CCDC186: variants seen among roughly 807,000 people sequenced by gnomAD.
The protein encoded by CCDC186 is coiled-coil domain containing 186.
CCDC186 carries 49 observed loss-of-function variants against 113.7 expected under a neutral mutation model. The ratio of observed to expected loss-of-function variants is 0.43; its 90% CI spans 0.34 to 0.55. The LOEUF (loss-of-function observed/expected upper bound fraction) is 0.55, where lower values mean the gene tolerates loss of function less well. Ranked by LOEUF, CCDC186 falls within the 20% of genes least tolerant of loss-of-function variation. The probability of loss-of-function intolerance (pLI) is 0.02; values close to 1 mark genes in which losing one functional copy is unlikely to be tolerated. For missense variants in CCDC186, 890 were observed against 1,011.1 expected (o/e 0.88, Z 1.62); for synonymous variants, 355 against 345.8 (o/e 1.03, Z -0.30).
At position 114,162,988 on chromosome 10, in the gene CCDC186, G is replaced by A; in HGVS notation, c.281C>T (p.Ala94Val). ...DTGSENSEQI[A>V]NFPSGNFAKH... ...AGCAAAATTTCCACTAGGAAAATTA[G>A]CTATTTGTTCAGAATTTTCTGAGCC... The change falls in exon 2 of 16, where the codon GCT (alanine) becomes GTT (valine). Residue 94 changes from alanine (A) to valine (V), a missense_variant. By Grantham distance (64) the Ala-to-Val change is moderately conservative. Coordinates refer to ENST00000369287, the MANE Select transcript of CCDC186 (RefSeq NM_018017.4). The A allele has an allele frequency of 1.2e-6, 2 of 1,613,934 alleles. No individual in the cohort carries two copies. The highest frequency in any genetic ancestry group is 1.7e-6 in the Non-Finnish European group (2 of 1,179,942).
chr10:114,145,430 AAAC>A (rs1437426702), intron 5 of CCDC186, 116 bp downstream of exon 5: 3 of 947,946 alleles, frequency 3.2e-6, no homozygotes, highest in Non-Finnish European at 4.5e-6. Context: ...AAACTAATAA[AAAC>A]AACTTTACGT....
chr10:114,134,545 T>C (rs145728542), intron 10 of CCDC186, among the ~76,000 whole-genome samples: 12 of 152,318 alleles, frequency 7.9e-5, no homozygotes, highest in East Asian at 7.7e-4. Flanking sequence ...CAAGGAATAA[T>C]GTCAGCTCCG....
chr10:114,171,876 T>A (rs552140373), intron 1 of CCDC186, among the ~76,000 whole-genome samples: 67 of 152,338 alleles, frequency 4.4e-4, no homozygotes, highest in African/African-American at 1.6e-3. Context: ...ACTTTGTGTC[T>A]ACTGTCCCTT....
At chr10:114,133,461 G>T (rs1165526467) in intron 10 of CCDC186, among the ~76,000 whole-genome samples, 1 of 152,112 alleles carries the variant, frequency 6.6e-6, no homozygotes, top group Non-Finnish European at 1.5e-5. Flanking sequence ...AGTGAAAAGG[G>T]CTAAAGATAA....
intron 3 of CCDC186, among the ~76,000 whole-genome samples, chr10:114,156,364 A>C (rs2032009702): frequency 6.6e-6 from 1 of 152,224 alleles, no homozygotes; most frequent in African/African-American, 2.4e-5. Flanking sequence ...ATAAAGAGCA[A>C]CTCAGCTTTC....
At chr10:114,148,225 CA>C (rs749797629) in intron 4 of CCDC186, among the ~76,000 whole-genome samples, 49 of 152,204 alleles carry the variant, frequency 3.2e-4, no homozygotes, top group Non-Finnish European at 5.0e-4. Context: ...ATCCATAGAT[CA>C]ACTGCAAAGG....
At chr10:114,159,579 G>A (rs905080233) in intron 2 of CCDC186, among the ~76,000 whole-genome samples, 6 of 150,158 alleles carry the variant, frequency 4.0e-5, no homozygotes, top group African/African-American at 9.8e-5. Flanking sequence ...GGAAGCGGAG[G>A]TGGCAGTGAG....
At position 114,137,296 on chromosome 10, in the gene CCDC186, T is replaced by G. The variant is rs377449657; in HGVS notation, c.1222-6A>C. On this transcript the variant is annotated splice_polypyrimidine_tract_variant and splice_region_variant and intron_variant, in intron 6 of 15. Transcript: ENST00000369287. ...TTGAGTTTATCTTTGGTTTCCTGCATTGACAAAAGACAGAGACACAGTTGG... is the reference window on the plus strand; with the variant it reads ...TTGAGTTTATCTTTGGTTTCCTGCAGTGACAAAAGACAGAGACACAGTTGG... The G allele has an allele frequency of 2.5e-6, 4 of 1,607,430 alleles. No individual in the cohort carries two copies. In the African/African-American group the frequency reaches 5.3e-5, roughly 21 times the overall value.
At chr10:114,154,511 T>C (rs963319995) in intron 3 of CCDC186, among the ~76,000 whole-genome samples, 3 of 152,066 alleles carry the variant, frequency 2.0e-5, no homozygotes, top group Admixed American at 2.0e-4. Flanking sequence ...AAGATCTGAA[T>C]AGACCTATAA....
In CCDC186 at chr10:114,145,810, G is replaced by A. The variant is rs145110138; in HGVS notation, c.889-49C>T. The A allele has an allele frequency of 4.8e-5, 71 of 1,483,872 alleles. No homozygotes were observed. The East Asian group carries it at 1.6e-3, about 33-fold the overall frequency. 91.9% of individuals were successfully genotyped at this position (1,483,872 alleles called of 1,614,324 possible). ...ATTAATGAAAAATAATGTTTCAAAT[G>A]GAAATGTATTGAAATACATGGTATT... On this transcript the variant is annotated intron_variant, in intron 4 of 15. Transcript: ENST00000369287.
chr10:114,128,601 G>A (rs1290927841), intron 13 of CCDC186, among the ~76,000 whole-genome samples: 1 of 152,134 alleles, frequency 6.6e-6, no homozygotes, highest in South Asian at 2.1e-4. Context: ...TTCCTTATCT[G>A]TAAAATGGGA....
chr10:114,137,354 C>G (rs748328267), intron 6 of CCDC186, 64 bp from the exon 7 acceptor site: 28 of 1,114,444 alleles, frequency 2.5e-5, no homozygotes, highest in Non-Finnish European at 3.1e-5. Flanking sequence ...AAGAAGTGAC[C>G]GGCAAGTAGG....
rs569655181 is a variant in CCDC186 at position 114,156,919 on chromosome 10, T to C, written c.759+635A>G. Among the ~76,000 whole-genome samples, 12 of 152,286 alleles carry C rather than the reference T, an allele frequency of 7.9e-5. No individual in the cohort carries two copies. The South Asian group carries it at 1.9e-3, about 24-fold the overall frequency. On this transcript the variant is annotated intron_variant, in intron 3 of 15. Transcript: ENST00000369287. ...CCAGACATAAACTTTTATATTTCCA[T>C]TGCTTCCTCCCTGTTGGCAACAACA...
intron 1 of CCDC186, among the ~76,000 whole-genome samples, chr10:114,164,065 A>AGTGTGTGTGTGT (rs747232906): frequency 0.012 from 1,309 of 106,974 alleles, 18 homozygotes; most frequent in Middle Eastern, 0.027. Flanking sequence ...ACCAAGTTAG[A>AGTGTGTGTGTGT]GTGTGTGTGT....
At position 114,137,285 on chromosome 10, in the gene CCDC186, G is replaced by A. The variant is rs2031295274; in HGVS notation, c.1227C>T (p.Thr409=). The A allele has an allele frequency of 1.2e-6, 2 of 1,612,178 alleles. No homozygotes were observed. The highest frequency in any genetic ancestry group is 4.5e-5 in the East Asian group (2 of 44,826). The part of the protein sequence containing the change: ...LKAEMDSHKE[T]KDKLKETTTK... ...TTGTTGTTTCTTTGAGTTTATCTTTGGTTTCCTGCATTGACAAAAGACAGA... is the reference window on the plus strand; with the variant it reads ...TTGTTGTTTCTTTGAGTTTATCTTTAGTTTCCTGCATTGACAAAAGACAGA... Residue 409 remains threonine, a synonymous_variant, in exon 7 of 16, where the codon ACC becomes ACT. Coordinates refer to ENST00000369287, the MANE Select transcript of CCDC186 (RefSeq NM_018017.4).
Position 114,131,995 on chromosome 10 carries a change from T to C in CCDC186, c.1845A>G (p.Lys615=). The C allele has an allele frequency of 1.9e-6, 3 of 1,613,224 alleles. No individual in the cohort carries two copies. Among genetic ancestry groups the C allele is most frequent in the South Asian group, 1.1e-5 (1 of 91,050 alleles). Reference sequence around the variant, plus strand: ...GTAACTGACTTTCACTACAGGAAACTTTATCAAATTGTGACTGCAAAGAAT... The same window carrying C: ...GTAACTGACTTTCACTACAGGAAACCTTATCAAATTGTGACTGCAAAGAAT... ...ESNSLQSQFD[K]VSCSESQLQS... The change falls in exon 11 of 16, where the codon AAA becomes AAG. Residue 615 remains lysine (K), a synonymous_variant. Coordinates refer to ENST00000369287, the MANE Select transcript of CCDC186 (RefSeq NM_018017.4).
chr10:114,122,147 A>T lies in CCDC186; in HGVS notation c.*2996T>A, dbSNP rs1318252581. 2 of 152,194 alleles carry T rather than the reference A, an allele frequency of 1.3e-5. No individual in the cohort carries two copies. The highest frequency in any genetic ancestry group is 2.9e-5 in the Non-Finnish European group (2 of 68,046). The allele number at this position is 152,194 out of a possible 1,614,324, so 9.4% of individuals were successfully genotyped here. A position where few individuals can be genotyped will look rare whatever the true frequency, so the allele number is the denominator to read the frequency against. ...TCATTAGACCATGAACTCCATGAGG[A>T]TGGAAATGCCCTGGTCTGCTCACTA... On this transcript the variant is annotated 3_prime_UTR_variant, in exon 16 of 16. Transcript: ENST00000369287.
chr10:114,132,988 A>G (rs1298404414), intron 10 of CCDC186, among the ~76,000 whole-genome samples: 2 of 152,238 alleles, frequency 1.3e-5, no homozygotes, highest in Non-Finnish European at 2.9e-5. Context: ...ACAGGTCACT[A>G]ATCTTACAAG....
chr10:114,145,953 C>T (rs540385792), intron 4 of CCDC186, among the ~76,000 whole-genome samples, 192 bp from the exon 5 acceptor site: 2 of 152,160 alleles, frequency 1.3e-5, no homozygotes, highest in Non-Finnish European at 2.9e-5. Flanking sequence ...TACAATATCC[C>T]TAGCATTTGC....
Sources: allele counts gnomAD v4.1 joint callset (sites outside exome capture counted in the v4.1 genomes callset), GRCh38; gene constraint gnomAD v4.1.1; transcripts MANE v1.5; gene names NCBI Gene and HGNC (gene_info 2026-07-23, HGNC 2026-07-21).